The following PLEKHG7 variants were observed in gnomAD, a reference collection of about 807,000 sequenced individuals.
PLEKHG7 encodes the protein pleckstrin homology and RhoGEF domain containing G7, also known as pleckstrin homology domain-containing family G member 7.
A neutral mutation model predicts 85.2 loss-of-function variants in PLEKHG7; 77 were observed. The observed-to-expected ratio is 0.90, with a 90% CI of 0.75 to 1.09. The LOEUF (loss-of-function observed/expected upper bound fraction) is 1.09. Ranked by LOEUF, PLEKHG7 falls within the 50% of genes least tolerant of loss-of-function variation. The pLI is 0.00. For missense variants in PLEKHG7, 777 were observed against 804.3 expected, an observed-to-expected ratio of 0.97 and a Z score of 0.41; for synonymous variants, 301 against 302.4, an observed-to-expected ratio of 1.00 and a Z score of 0.05.
chr12:92,706,476 A>G lies in PLEKHG7; in HGVS notation c.-156A>G. The G allele has an allele frequency of 3.3e-6, 3 of 905,122 alleles. No individual in the cohort carries two copies. Among genetic ancestry groups the G allele is most frequent in the Non-Finnish European group, 3.2e-6 (2 of 617,864 alleles). 56.1% of individuals were successfully genotyped at this position (905,122 alleles called of 1,614,324 possible). A position where few individuals can be genotyped will look rare whatever the true frequency, so the allele number is the denominator to read the frequency against. ...TCTGCTCTTCCTCACTACAGATGCAATAACCTGCTTGACATTCTCCTCTGG... is the reference window on the plus strand; with the variant it reads ...TCTGCTCTTCCTCACTACAGATGCAGTAACCTGCTTGACATTCTCCTCTGG... On this transcript the variant is annotated 5_prime_UTR_variant, in exon 2 of 17. Transcript: ENST00000344636.
At chr12:92,767,090 T>C (rs1006313069) in intron 15 of PLEKHG7, among the ~76,000 whole-genome samples, 118 of 152,288 alleles carry the variant, frequency 7.7e-4, no homozygotes, top group Admixed American at 3.5e-3. Flanking sequence ...GAAAAATTAA[T>C]ATGTTTCCTC....
intron 3 of PLEKHG7, among the ~76,000 whole-genome samples, chr12:92,713,017 G>T (rs923289479): frequency 1.3e-5 from 2 of 152,136 alleles, no homozygotes; most frequent in Non-Finnish European, 2.9e-5. Flanking sequence ...CAGTTACCTT[G>T]GTAAAAGGCC....
intron 1 of PLEKHG7, among the ~76,000 whole-genome samples, chr12:92,705,645 T>TGTCCCACA (rs1273018414): frequency 6.6e-6 from 1 of 152,256 alleles, no homozygotes; most frequent in Non-Finnish European, 1.5e-5. Flanking sequence ...GTCTCTCGCC[T>TGTCCCACA]GTCCCACAGT....
At chr12:92,731,250 C>A (rs1292586577) in intron 4 of PLEKHG7, among the ~76,000 whole-genome samples, 1 of 152,144 alleles carries the variant, frequency 6.6e-6, no homozygotes, top group African/African-American at 2.4e-5. Context: ...TGATTTGTGC[C>A]TAAGGGAGAG....
chr12:92,761,648 AAG>A (rs1386448450), intron 13 of PLEKHG7, 102 bp from the exon 14 acceptor site: 8 of 1,127,724 alleles, frequency 7.1e-6, no homozygotes, highest in Admixed American at 8.5e-5. Flanking sequence ...GAAAGAAAGA[AAG>A]AAAGAAAGAA....
chr12:92,714,107 T>C (rs1239985499), intron 3 of PLEKHG7, among the ~76,000 whole-genome samples: 1 of 152,236 alleles, frequency 6.6e-6, no homozygotes, highest in Non-Finnish European at 1.5e-5. Context: ...CTGCCGGGAC[T>C]TTAGTCCAGT....
Position 92,744,339 on chromosome 12 carries a change from T to G in PLEKHG7, c.1138-1139T>G, listed in dbSNP as rs367921006. Among the ~76,000 whole-genome samples, 141 of 152,298 alleles carry G rather than the reference T, an allele frequency of 9.3e-4. 5 individuals are homozygous for G. The South Asian group carries it at 0.028, about 30-fold the overall frequency. ...ACTATGGAATCCTGAAGAGAGTGCC[T>G]TCCAGTAACGAGCCAGAAGAATTGC... On this transcript the variant is annotated intron_variant, in intron 9 of 16. Coordinates refer to ENST00000344636, the MANE Select transcript of PLEKHG7 (RefSeq NM_001377329.1).
intron 3 of PLEKHG7, among the ~76,000 whole-genome samples, chr12:92,717,313 A>C (rs1022932009): frequency 5.9e-5 from 9 of 152,232 alleles, no homozygotes; most frequent in Admixed American, 2.0e-4. Context: ...AAACAAAGAA[A>C]GTATTAAATG....
At chr12:92,721,313 T>G in intron 3 of PLEKHG7, 1 of 479,374 alleles carries the variant, frequency 2.1e-6, no homozygotes, top group Non-Finnish European at 3.3e-6. Flanking sequence ...TGCTGACACA[T>G]GGGTGCACGG....
chr12:92,736,660 A>C (rs1471964497), intron 6 of PLEKHG7, 83 bp downstream of exon 6: 1 of 824,314 alleles, frequency 1.2e-6, no homozygotes, highest in African/African-American at 1.8e-5. Context: ...TCAGTATTTT[A>C]AGCTGCCAGA....
chr12:92,708,583 C>T (rs1378712623), intron 3 of PLEKHG7: 3 of 152,132 alleles, frequency 2.0e-5, no homozygotes, highest in Non-Finnish European at 4.4e-5. Context: ...CTCTGTGTTC[C>T]CTGGGGGTGA....
At chr12:92,729,960 C>T (rs2136592151) in intron 4 of PLEKHG7, among the ~76,000 whole-genome samples, 1 of 152,028 alleles carries the variant, frequency 6.6e-6, no homozygotes, top group Non-Finnish European at 1.5e-5. Context: ...GAGTGAGACC[C>T]AGAAAGGAGA....
chr12:92,709,638 A>T (rs1871331738), intron 3 of PLEKHG7, among the ~76,000 whole-genome samples: 1 of 152,248 alleles, frequency 6.6e-6, no homozygotes, highest in Non-Finnish European at 1.5e-5. Flanking sequence ...ATAAAGGCAG[A>T]TCAATGGGAT....
At chr12:92,715,022 A>AGAT (rs771337795) in intron 3 of PLEKHG7, among the ~76,000 whole-genome samples, 5 of 54,766 alleles carry the variant, frequency 9.1e-5, no homozygotes, top group African/African-American at 1.5e-4. Flanking sequence ...CTAATGGGAT[A>AGAT]GATAGATAGA....
intron 3 of PLEKHG7, chr12:92,708,337 G>A (rs973219487): frequency 6.6e-6 from 1 of 152,374 alleles, no homozygotes; most frequent in African/African-American, 2.4e-5. Flanking sequence ...AATAGCTGCT[G>A]TTTTATTACT....
At chr12:92,736,652 A>G in intron 6 of PLEKHG7, 75 bp downstream of exon 6, 10 of 929,272 alleles carry the variant, frequency 1.1e-5, no homozygotes, top group Non-Finnish European at 1.4e-5. Context: ...AGGTCGGGTC[A>G]GTATTTTAAG....
chr12:92,723,514 A>G (rs1425122500), intron 3 of PLEKHG7, among the ~76,000 whole-genome samples: 1 of 152,226 alleles, frequency 6.6e-6, no homozygotes, highest in Non-Finnish European at 1.5e-5. Context: ...ATAAAACATG[A>G]TATTATAATA....
In PLEKHG7 at chr12:92,755,939, AGGT is replaced by A; in HGVS notation, c.1542_1542+2del. 1 of 1,591,356 alleles carries A rather than the reference AGGT, an allele frequency of 6.3e-7. No homozygotes were observed. The highest frequency in any genetic ancestry group is 1.8e-5 in the Admixed American group (1 of 56,224). On this transcript the variant is annotated splice_donor_variant and coding_sequence_variant, in exon 12 of 17. Coordinates refer to ENST00000344636, the MANE Select transcript of PLEKHG7 (RefSeq NM_001377329.1). LOFTEE classifies it high-confidence loss of function. Reference sequence around the variant, plus strand: ...AGAGATAAAAGGTTTTTCATTCCAGAGGTACAAAAAAAAAATCAATTAGGACTT... The same window carrying A: ...AGAGATAAAAGGTTTTTCATTCCAGAACAAAAAAAAAATCAATTAGGACTT...
chr12:92,745,334 C>T (rs2136610103), intron 9 of PLEKHG7, 144 bp from the exon 10 acceptor site: 1 of 583,672 alleles, frequency 1.7e-6, no homozygotes, highest in Non-Finnish European at 3.1e-6. Flanking sequence ...TATTTCCATG[C>T]AGTTGTGGCG....
Sources: allele counts gnomAD v4.1 joint callset (sites outside exome capture counted in the v4.1 genomes callset), GRCh38; gene constraint gnomAD v4.1.1; transcripts MANE v1.5; gene names NCBI Gene and HGNC (gene_info 2026-07-23, HGNC 2026-07-21).